Variants in LONRF2 observed in about 807,000 individuals in gnomAD.
LONRF2 encodes LON peptidase N-terminal domain and RING finger protein 2.
Under a neutral mutation model 66.6 loss-of-function variants are expected in LONRF2, and 35 were observed. The observed-to-expected ratio is 0.53, with a 90% CI of 0.40 to 0.70. The LOEUF is 0.70. Among genes scored for constraint, LONRF2 ranks in the 30% least tolerant of loss-of-function variants. The probability of loss-of-function intolerance (pLI) is 0.00; values close to 1 mark genes in which losing one functional copy is unlikely to be tolerated. For synonymous variants in LONRF2, 417 were observed against 418.1 expected, an observed-to-expected ratio of 1.00 and a Z score of 0.03; for missense variants, 902 against 1,002.1, an observed-to-expected ratio of 0.90 and a Z score of 1.35.
intron 1 of LONRF2, among the ~76,000 whole-genome samples, chr2:100,314,223 G>A (rs962206266): frequency 2.0e-5 from 3 of 152,164 alleles, no homozygotes; most frequent in African/African-American, 7.2e-5. Flanking sequence ...GCTTCCATCA[G>A]TAATTTAAGA....
In LONRF2 at chr2:100,284,148, T is replaced by G; in HGVS notation, c.*150A>C. 1.5e-6 allele frequency: 1 copy of G among 684,838 alleles called. No homozygotes were observed. Among genetic ancestry groups the G allele is most frequent in the South Asian group, 2.2e-5 (1 of 44,768 alleles). The allele number at this position is 684,838 out of a possible 1,614,324, so 42.4% of individuals were successfully genotyped here. ...ATCCCACCAGACACAGAATTGTCAT[T>G]TTTGAGGAGGACTCAATGTTTGGCA... On this transcript the variant is annotated 3_prime_UTR_variant, in exon 12 of 12. Coordinates refer to ENST00000393437, the MANE Select transcript of LONRF2 (RefSeq NM_198461.4).
intron 2 of LONRF2, among the ~76,000 whole-genome samples, chr2:100,304,729 T>A (rs1469879081): frequency 6.7e-6 from 1 of 148,346 alleles, no homozygotes; most frequent in Non-Finnish European, 1.5e-5. Flanking sequence ...GTTCAAGTGA[T>A]TCTCCTGCCT....
rs1469213074 is a variant in LONRF2, at chr2:100,321,793, C to T, written c.301G>A (p.Gly101Ser). The T allele has an allele frequency of 1.9e-6, 2 of 1,062,080 alleles. No homozygotes were observed. The highest frequency in any genetic ancestry group is 2.3e-6 in the Non-Finnish European group (2 of 880,298). The allele number at this position is 1,062,080 out of a possible 1,614,324, so 65.8% of individuals were successfully genotyped here. ...CGCAGGCCCACGGCGCGCACCAGGC[C>T]GCCCGCCAGCTCTTCCAGCTCCTCC... is the stretch of plus-strand genomic sequence containing the variant. The part of the protein sequence containing the change: ...RPEELEELAG[G>S]LVRAVGLRDR... Residue 101 changes from glycine (G) to serine (S), a missense_variant, in exon 1 of 12, where the codon GGC becomes AGC. Around this residue, in one of 2 missense-constraint regions of LONRF2, gnomAD observed 585 missense variants for 569.9 expected, o/e 1.03. Transcript: ENST00000393437.
At chr2:100,309,425 T>C in intron 1 of LONRF2, 200 bp from the exon 2 acceptor site, 2 of 286,036 alleles carry the variant, frequency 7.0e-6, no homozygotes, top group Non-Finnish European at 6.4e-6. Context: ...TTGATAAGTA[T>C]ATTTTAGACA....
intron 4 of LONRF2, 56 bp from the exon 5 acceptor site, chr2:100,299,974 G>A (rs1675147505): frequency 2.5e-5 from 21 of 830,336 alleles, no homozygotes; most frequent in Admixed American, 2.6e-5. Flanking sequence ...TAGCATAAGA[G>A]AAAAAGAATG....
In LONRF2 at chr2:100,282,424, A is replaced by G. The variant is rs1023216237; in HGVS notation, c.*1874T>C. On this transcript the variant is annotated 3_prime_UTR_variant, in exon 12 of 12. Transcript: ENST00000393437. ...AGCTGTGATATGAAGGTACAAAAAAATTTTCCAAAAGGGAAAGGCAGAGAA... is the reference window on the plus strand; with the variant it reads ...AGCTGTGATATGAAGGTACAAAAAAGTTTTCCAAAAGGGAAAGGCAGAGAA... The G allele has an allele frequency of 6.6e-6, 1 of 152,348 alleles. No homozygotes were observed. Among genetic ancestry groups the G allele is most frequent in the African/African-American group, 2.4e-5 (1 of 41,582 alleles). The allele number at this position is 152,348 out of a possible 1,614,324, so 9.4% of individuals were successfully genotyped here.
intron 6 of LONRF2, 63 bp from the exon 7 acceptor site, chr2:100,299,013 G>C (rs1192320191): frequency 9.5e-5 from 122 of 1,286,426 alleles, no homozygotes; most frequent in Non-Finnish European, 1.3e-4. Flanking sequence ...TCATGGACTG[G>C]TTTTTGAAGG....
chr2:100,308,157 C>T (rs942939623), intron 2 of LONRF2, among the ~76,000 whole-genome samples: 4 of 152,088 alleles, frequency 2.6e-5, no homozygotes, highest in Non-Finnish European at 5.9e-5. Flanking sequence ...ATCATGAGGT[C>T]AGGAGATCGA....
chr2:100,289,278 G>A (rs1357785463), intron 10 of LONRF2, among the ~76,000 whole-genome samples: 1 of 152,118 alleles, frequency 6.6e-6, no homozygotes, highest in Non-Finnish European at 1.5e-5. Flanking sequence ...GGGTAGCTTC[G>A]ACAGAGACCA....
intron 7 of LONRF2, among the ~76,000 whole-genome samples, chr2:100,297,881 G>A (rs1212477937): frequency 6.6e-6 from 1 of 152,048 alleles, no homozygotes; most frequent in African/African-American, 2.4e-5. Flanking sequence ...TAATGTTTTG[G>A]CAGTAAATTT....
Position 100,298,947 on chromosome 2 carries a change from C to G in LONRF2, c.1365G>C (p.Leu455Phe). ...TDFECALCMR[L>F]LFEPVTTPCG... Reference sequence around the variant, plus strand: ...AGGGCGTAGTGACAGGTTCAAAGAGCAATCTGGAAGAAAATATCTGTTTTC... The same window carrying G: ...AGGGCGTAGTGACAGGTTCAAAGAGGAATCTGGAAGAAAATATCTGTTTTC... Residue 455 changes from leucine (L) to phenylalanine (F), a missense_variant, in exon 7 of 12, where the codon TTG (leucine) becomes TTC (phenylalanine). By Grantham distance (22) the Leu-to-Phe change is conservative. Coordinates refer to ENST00000393437, the MANE Select transcript of LONRF2 (RefSeq NM_198461.4). 3 of 1,609,894 alleles carry G rather than the reference C, an allele frequency of 1.9e-6. No homozygotes were observed. Among genetic ancestry groups the G allele is most frequent in the Non-Finnish European group, 2.6e-6 (3 of 1,176,150 alleles).
chr2:100,299,855 C>A lies in LONRF2; in HGVS notation c.1129G>T (p.Gly377Cys). Residue 377 changes from glycine (G) to cysteine (C), a missense_variant, in exon 5 of 12, where the codon GGT becomes TGT. Transcript: ENST00000393437. Reference protein sequence around the residue: ...TNSSVLYFILGLHFEEDKKAL... With the variant: ...TNSSVLYFILCLHFEEDKKAL... ...TTTTTATCCTCTTCAAAGTGTAGACCCAGTATAAAATACAAAACTGAAGAA... is the reference window on the plus strand; with the variant it reads ...TTTTTATCCTCTTCAAAGTGTAGACACAGTATAAAATACAAAACTGAAGAA... 1 of 1,611,736 alleles carries A rather than the reference C, an allele frequency of 6.2e-7. No individual in the cohort carries two copies.
intron 1 of LONRF2, among the ~76,000 whole-genome samples, chr2:100,316,022 A>T (rs1322349062): frequency 1.3e-5 from 2 of 152,084 alleles, no homozygotes; most frequent in Admixed American, 1.3e-4. Context: ...TCATTCAGGC[A>T]AAATAGAAAA....
intron 3 of LONRF2, among the ~76,000 whole-genome samples, chr2:100,302,152 A>G (rs1182412846): frequency 6.6e-6 from 1 of 152,266 alleles, no homozygotes; most frequent in Non-Finnish European, 1.5e-5. Context: ...CACAGGGTAC[A>G]TTAGAACACA....
At position 100,321,491 on chromosome 2, in the gene LONRF2, T is replaced by G. The variant is rs753819151; in HGVS notation, c.603A>C (p.Ala201=). 8.5e-6 allele frequency: 13 copies of G among 1,531,564 alleles called. No individual in the cohort carries two copies. The highest frequency in any genetic ancestry group is 1.1e-5 in the Non-Finnish European group (13 of 1,151,500). The allele number at this position is 1,531,564 out of a possible 1,614,324, so 94.9% of individuals were successfully genotyped here. A position where few individuals can be genotyped will look rare whatever the true frequency, so the allele number is the denominator to read the frequency against. The part of the protein sequence containing the change: ...FPAECRLRRL[A]GQARSLQRQQ... ...GGCGCTGCAGGCTCCGCGCCTGGCC[T>G]GCCAGCCTGCGCAGCCGGCACTCGG... The change falls in exon 1 of 12, where the codon GCA becomes GCC. Residue 201 remains alanine (A), a synonymous_variant. Transcript: ENST00000393437.
Position 100,321,485 on chromosome 2 carries a change from C to T in LONRF2, c.609G>A (p.Gln203=). 1 of 1,524,554 alleles carries T rather than the reference C, an allele frequency of 6.6e-7. No individual in the cohort carries two copies. Among genetic ancestry groups the T allele is most frequent in the African/African-American group, 1.4e-5 (1 of 69,860 alleles). The allele number at this position is 1,524,554 out of a possible 1,614,324, so 94.4% of individuals were successfully genotyped here. A position where few individuals can be genotyped will look rare whatever the true frequency, so the allele number is the denominator to read the frequency against. ...AECRLRRLAG[Q]ARSLQRQQQP... ...GCTGCTGGCGCTGCAGGCTCCGCGC[C>T]TGGCCTGCCAGCCTGCGCAGCCGGC... The change falls in exon 1 of 12, where the codon CAG becomes CAA. Residue 203 remains glutamine (Q), a synonymous_variant. Coordinates refer to ENST00000393437, the MANE Select transcript of LONRF2 (RefSeq NM_198461.4).
intron 1 of LONRF2, 86 bp downstream of exon 1, chr2:100,321,329 A>C (rs1456327642): frequency 3.4e-6 from 4 of 1,186,008 alleles, no homozygotes; most frequent in African/African-American, 1.6e-5. Context: ...GAAAGCCCAA[A>C]GCCTCGGGCC....
At chr2:100,302,790 G>T in intron 3 of LONRF2, 131 bp downstream of exon 3, 1 of 895,332 alleles carries the variant, frequency 1.1e-6, no homozygotes, top group Non-Finnish European at 1.5e-6. Flanking sequence ...ATTGCCATGC[G>T]TTTTTTATTG....
intron 10 of LONRF2, among the ~76,000 whole-genome samples, chr2:100,289,620 T>C (rs956118878): frequency 5.3e-5 from 8 of 151,880 alleles, no homozygotes; most frequent in African/African-American, 1.7e-4. Context: ...ATATTTTTAA[T>C]AGAGCCAGGG....
Sources: gnomAD v4.1 joint callset for allele counts (sites outside exome capture counted in the v4.1 genomes callset) on GRCh38, gnomAD v4.1.1 for gene constraint, gnomAD v4.1.1 regional missense constraint, MANE v1.5 for transcripts, NCBI Gene and HGNC (gene_info 2026-07-23, HGNC 2026-07-21) for gene names.